The following CBL variants were observed in gnomAD, a reference collection of about 807,000 sequenced individuals.
CBL encodes Cbl proto-oncogene, also known as E3 ubiquitin-protein ligase CBL.
CBL carries 45 observed loss-of-function variants against 96.9 expected under a neutral mutation model. That is an observed-to-expected ratio of 0.46 (90% CI 0.37 to 0.60). The LOEUF is 0.60. Among genes scored for constraint, CBL ranks in the 20% least tolerant of loss-of-function variants. The probability of loss-of-function intolerance (pLI) is 0.00; values close to 1 mark genes in which losing one functional copy is unlikely to be tolerated. For missense variants in CBL, 1,024 were observed against 1,143.5 expected (o/e 0.90, Z 1.51); for synonymous variants, 420 against 426.8 (o/e 0.98, Z 0.20).
At chr11:119,212,010 C>T (rs1173114535) in intron 1 of CBL, among the ~76,000 whole-genome samples, 1 of 152,124 alleles carries the variant, frequency 6.6e-6, no homozygotes, top group Non-Finnish European at 1.5e-5. Context: ...GCCCCTGCCT[C>T]CCAGGTTCAA....
intron 1 of CBL, among the ~76,000 whole-genome samples, chr11:119,210,544 C>T (rs1214295290): frequency 1.3e-5 from 2 of 151,896 alleles, no homozygotes; most frequent in East Asian, 3.9e-4. Context: ...ATTTTCGTGC[C>T]TCAGCCACCA....
chr11:119,306,218 G>A lies in CBL; in HGVS notation c.*6437G>A. 1 of 398,614 alleles carries A rather than the reference G, an allele frequency of 2.5e-6. No individual in the cohort carries two copies. Among genetic ancestry groups the A allele is most frequent in the Non-Finnish European group, 4.4e-6 (1 of 226,060 alleles). 24.7% of individuals were successfully genotyped at this position (398,614 alleles called of 1,614,324 possible). ...TGACAGACAGACTAAGCTGTGTGGT[G>A]CTCTTGCCGCCCCTTCCTGGGTACA... is the stretch of plus-strand genomic sequence containing the variant. On this transcript the variant is annotated 3_prime_UTR_variant, in exon 16 of 16. Transcript: ENST00000264033.
chr11:119,217,241 C>G (rs567809739), intron 1 of CBL, among the ~76,000 whole-genome samples: 2 of 152,068 alleles, frequency 1.3e-5, no homozygotes, highest in East Asian at 3.9e-4. Context: ...CTCAGCCTCC[C>G]GAGTAGCTGG....
At chr11:119,277,248 C>T (rs1949896841) in intron 6 of CBL, among the ~76,000 whole-genome samples, 1 of 150,838 alleles carries the variant, frequency 6.6e-6, no homozygotes. Context: ...CGCGCACACA[C>T]ACACACACAC....
intron 1 of CBL, among the ~76,000 whole-genome samples, chr11:119,226,306 A>G (rs533988015): frequency 7.2e-5 from 11 of 152,294 alleles, no homozygotes; most frequent in Non-Finnish European, 1.5e-4. Flanking sequence ...TCCCCTGCAT[A>G]TAAGCCACTC....
intron 1 of CBL, among the ~76,000 whole-genome samples, chr11:119,207,288 A>C (rs1949278920): frequency 6.6e-6 from 1 of 152,220 alleles, no homozygotes; most frequent in South Asian, 2.1e-4. Context: ...GCTGGTGCTG[A>C]GATATGCACT....
intron 2 of CBL, among the ~76,000 whole-genome samples, chr11:119,261,587 T>G (rs956373462): frequency 5.3e-5 from 8 of 152,210 alleles, no homozygotes; most frequent in African/African-American, 1.7e-4. Context: ...TTTAAAGATT[T>G]CAGCATTATC....
chr11:119,299,381 A>G, intron 15 of CBL, 114 bp from the exon 16 acceptor site: 7 of 958,152 alleles, frequency 7.3e-6, no homozygotes, highest in Non-Finnish European at 1.1e-5. Flanking sequence ...TGAAGAGCAC[A>G]TGTACCCAGT....
intron 7 of CBL, 81 bp from the exon 8 acceptor site, chr11:119,278,085 C>G (rs2135303299): frequency 2.5e-6 from 3 of 1,216,940 alleles, no homozygotes; most frequent in Non-Finnish European, 3.5e-6. Context: ...GTATAGGAAA[C>G]AAGTCTTCAC....
chr11:119,220,557 C>T lies in CBL; in HGVS notation c.196-11891C>T, dbSNP rs544288619. Among the ~76,000 whole-genome samples, 4 of 152,178 alleles carry T rather than the reference C, an allele frequency of 2.6e-5. No individual in the cohort carries two copies. In the South Asian group the frequency reaches 6.2e-4, roughly 24 times the overall value. ...GAGGCTGAAGTGAGCTGTGATGACGCCACTGCACTCCAATGTGGGCGACAG... is the reference window on the plus strand; with the variant it reads ...GAGGCTGAAGTGAGCTGTGATGACGTCACTGCACTCCAATGTGGGCGACAG... On this transcript the variant is annotated intron_variant, in intron 1 of 15. Coordinates refer to ENST00000264033, the MANE Select transcript of CBL (RefSeq NM_005188.4).
chr11:119,269,246 CTTTT>C (rs11317875), intron 2 of CBL, among the ~76,000 whole-genome samples: 4 of 118,316 alleles, frequency 3.4e-5, no homozygotes, highest in Middle Eastern at 4.2e-3. Context: ...TGGATAAGTG[CTTTT>C]TTTTTTTTTT....
At chr11:119,229,214 T>G (rs1006652535) in intron 1 of CBL, among the ~76,000 whole-genome samples, 1 of 152,190 alleles carries the variant, frequency 6.6e-6, no homozygotes, top group Non-Finnish European at 1.5e-5. Context: ...ATACCTGACT[T>G]ACTTTTGGAA....
intron 1 of CBL, among the ~76,000 whole-genome samples, chr11:119,207,591 TC>T (rs1384241469): frequency 6.6e-6 from 1 of 152,244 alleles, no homozygotes; most frequent in African/African-American, 2.4e-5. Context: ...GAATTTTACT[TC>T]CTTATAGTTG....
chr11:119,266,691 G>C (rs1201133247), intron 2 of CBL, among the ~76,000 whole-genome samples: 1 of 152,194 alleles, frequency 6.6e-6, no homozygotes, highest in Non-Finnish European at 1.5e-5. Flanking sequence ...GAGAGGAAAA[G>C]AGAAGAGGAA....
Position 119,285,443 on chromosome 11 carries a change from T to A in CBL, c.1818T>A (p.Ser606Arg), listed in dbSNP as rs760490210. The change falls in exon 11 of 16, where the codon AGT becomes AGA. Residue 606 changes from serine (S) to arginine (R), a missense_variant. Ser to Arg is a moderately radical substitution (Grantham distance 110). Transcript: ENST00000264033. ...TACCAGTATCTGCCCCAAGTTCCAG[T>A]GATCCCTGGACAGGAAGAGAATTAA... ...PKVPVSAPSS[S>R]DPWTGRELTN... 3.7e-6 allele frequency: 6 copies of A among 1,614,058 alleles called. No homozygotes were observed. The African/African-American group carries it at 8.0e-5, about 22-fold the overall frequency.
At chr11:119,225,737 T>TC (rs1555226240) in intron 1 of CBL, among the ~76,000 whole-genome samples, 1 of 147,260 alleles carries the variant, frequency 6.8e-6, no homozygotes, top group Non-Finnish European at 1.5e-5. Flanking sequence ...TTTTTTTTTT[T>TC]TTTTTTTGAG....
intron 12 of CBL, among the ~76,000 whole-genome samples, chr11:119,295,207 C>A (rs1050405425): frequency 8.5e-5 from 13 of 152,134 alleles, no homozygotes; most frequent in Non-Finnish European, 1.2e-4. Flanking sequence ...CCTAATTTTC[C>A]AGCATTATAA....
chr11:119,252,642 G>A (rs1243870712), intron 2 of CBL, among the ~76,000 whole-genome samples: 2 of 152,074 alleles, frequency 1.3e-5, no homozygotes, highest in African/African-American at 4.8e-5. Flanking sequence ...GATCACCTGA[G>A]GTCAGGAGTT....
intron 12 of CBL, among the ~76,000 whole-genome samples, chr11:119,290,068 C>G (rs1216214763): frequency 6.6e-6 from 1 of 151,682 alleles, no homozygotes; most frequent in Admixed American, 6.6e-5. Flanking sequence ...TATTTTAAAT[C>G]AGCATCTCTG....
Sources: gnomAD v4.1 joint callset for allele counts (sites outside exome capture counted in the v4.1 genomes callset) on GRCh38, gnomAD v4.1.1 for gene constraint, MANE v1.5 for transcripts, NCBI Gene and HGNC (gene_info 2026-07-23, HGNC 2026-07-21) for gene names.